EVA1A: variants seen among roughly 807,000 people sequenced by gnomAD.
The protein encoded by EVA1A is protein eva-1 homolog A.
Under a neutral mutation model 9.8 loss-of-function variants are expected in EVA1A, and 7 were observed. The observed-to-expected ratio is 0.71, with a 90% CI of 0.41 to 1.34. The LOEUF (loss-of-function observed/expected upper bound fraction) is 1.34. Ranked by LOEUF, EVA1A falls within the 40% of genes most tolerant of loss-of-function variation. The pLI, the probability that EVA1A is intolerant of heterozygous loss-of-function variation, is 0.01. For synonymous variants in EVA1A, 90 were observed against 85.6 expected (o/e 1.05, Z -0.28); for missense variants, 206 against 205.9 (o/e 1.00, Z 0.00).
chr2:75,499,209 G>A (rs997971636), intron 3 of EVA1A, among the ~76,000 whole-genome samples: 2 of 152,130 alleles, frequency 1.3e-5, no homozygotes, highest in Non-Finnish European at 2.9e-5. Flanking sequence ...TTTGTAAAGT[G>A]GGAGGAAGGC....
At chr2:75,517,203 T>C (rs1032216197) in intron 3 of EVA1A, among the ~76,000 whole-genome samples, 1 of 152,084 alleles carries the variant, frequency 6.6e-6, no homozygotes, top group East Asian at 1.9e-4. Context: ...CAGGTTTGCA[T>C]TTCAACTCTT....
At chr2:75,535,943 T>A (rs1675875306) in intron 1 of EVA1A, among the ~76,000 whole-genome samples, 1 of 152,012 alleles carries the variant, frequency 6.6e-6, no homozygotes, top group African/African-American at 2.4e-5. Context: ...AAAATGTTTT[T>A]AAAAAAAACC....
chr2:75,500,929 G>A (rs1384140184), intron 3 of EVA1A, among the ~76,000 whole-genome samples: 1 of 151,792 alleles, frequency 6.6e-6, no homozygotes, highest in African/African-American at 2.4e-5. Flanking sequence ...TTCTAACTCT[G>A]GATTCCACTT....
At chr2:75,548,806 C>T (rs939743621) in intron 1 of EVA1A, among the ~76,000 whole-genome samples, 1 of 151,890 alleles carries the variant, frequency 6.6e-6, no homozygotes, top group Non-Finnish European at 1.5e-5. Flanking sequence ...AGTTTATAAT[C>T]ATCATGTATT....
intron 1 of EVA1A, among the ~76,000 whole-genome samples, chr2:75,550,911 C>T (rs1290524281): frequency 6.6e-6 from 1 of 152,180 alleles, no homozygotes; most frequent in Non-Finnish European, 1.5e-5. Flanking sequence ...ATCACGAAGT[C>T]AGGAGTTCGA....
chr2:75,554,895 G>A (rs1338624677), intron 1 of EVA1A, among the ~76,000 whole-genome samples: 1 of 152,122 alleles, frequency 6.6e-6, no homozygotes, highest in African/African-American at 2.4e-5. Context: ...CTCTGTCATG[G>A]CACTAATCCA....
chr2:75,500,332 A>G (rs1222559000), intron 3 of EVA1A, among the ~76,000 whole-genome samples: 1 of 152,240 alleles, frequency 6.6e-6, no homozygotes, highest in Admixed American at 6.5e-5. Flanking sequence ...TTGGCATACG[A>G]TGAAAACTTA....
chr2:75,545,357 T>C (rs774535342), intron 1 of EVA1A, among the ~76,000 whole-genome samples: 2 of 152,108 alleles, frequency 1.3e-5, no homozygotes, highest in Non-Finnish European at 2.9e-5. Flanking sequence ...GCTCCTGGAA[T>C]TGGGAGAGGG....
chr2:75,508,627 T>C (rs773283825), intron 3 of EVA1A, among the ~76,000 whole-genome samples: 27 of 152,076 alleles, frequency 1.8e-4, no homozygotes, highest in Non-Finnish European at 3.4e-4. Context: ...TGCCTCCGCT[T>C]GCCTTGTGAT....
At chr2:75,512,691 G>C (rs1674857186) in intron 3 of EVA1A, among the ~76,000 whole-genome samples, 1 of 152,096 alleles carries the variant, frequency 6.6e-6, no homozygotes, top group Non-Finnish European at 1.5e-5. Context: ...TTTCTTCCTT[G>C]CCTGCCTCTG....
At chr2:75,536,109 G>A (rs1442827333) in intron 1 of EVA1A, among the ~76,000 whole-genome samples, 6 of 152,128 alleles carry the variant, frequency 3.9e-5, no homozygotes, top group Non-Finnish European at 7.4e-5. Flanking sequence ...TAGCCAAGGC[G>A]GGCAGATTGC....
chr2:75,499,982 C>T (rs1019509675), intron 3 of EVA1A, among the ~76,000 whole-genome samples: 7 of 152,196 alleles, frequency 4.6e-5, no homozygotes, highest in African/African-American at 1.2e-4. Context: ...TATATTGGAT[C>T]CGCCTGAGAA....
chr2:75,545,032 T>G (rs1262091196), intron 1 of EVA1A, among the ~76,000 whole-genome samples: 8 of 152,234 alleles, frequency 5.3e-5, no homozygotes, highest in Non-Finnish European at 1.5e-5. Context: ...ATTAACTGTA[T>G]GTTAAAAACT....
At chr2:75,536,916 C>T in intron 1 of EVA1A, among the ~76,000 whole-genome samples, 1 of 152,128 alleles carries the variant, frequency 6.6e-6, no homozygotes, top group Non-Finnish European at 1.5e-5. Flanking sequence ...ACCATCTCTT[C>T]CAGAAAATCA....
intron 1 of EVA1A, among the ~76,000 whole-genome samples, chr2:75,555,783 C>T (rs1353261443): frequency 6.6e-6 from 1 of 152,192 alleles, no homozygotes; most frequent in Non-Finnish European, 1.5e-5. Flanking sequence ...CTCCAGTCCC[C>T]ACCATATGCC....
At chr2:75,526,632 G>A (rs1675448750) in intron 1 of EVA1A, among the ~76,000 whole-genome samples, 1 of 152,222 alleles carries the variant, frequency 6.6e-6, no homozygotes, top group Non-Finnish European at 1.5e-5. Flanking sequence ...TACTTTGCTA[G>A]AGTAAAGAAA....
At chr2:75,533,121 C>T (rs961805091) in intron 1 of EVA1A, among the ~76,000 whole-genome samples, 1 of 149,490 alleles carries the variant, frequency 6.7e-6, no homozygotes, top group African/African-American at 2.5e-5. Context: ...TGCACTCCAG[C>T]CTGAGTGACA....
At chr2:75,543,570 C>CCCCCA (rs1193114620) in intron 1 of EVA1A, among the ~76,000 whole-genome samples, 3 of 152,006 alleles carry the variant, frequency 2.0e-5, no homozygotes, top group Non-Finnish European at 4.4e-5. Context: ...CAGAGCAGCA[C>CCCCCA]CCCCACCCCA....
At chr2:75,538,601 G>A (rs1288476180) in intron 1 of EVA1A, among the ~76,000 whole-genome samples, 3 of 152,220 alleles carry the variant, frequency 2.0e-5, no homozygotes, top group South Asian at 2.1e-4. Flanking sequence ...TACATCCTTC[G>A]AAGAGTAAAT....
Sources: allele counts gnomAD v4.1 joint callset (sites outside exome capture counted in the v4.1 genomes callset), GRCh38; gene constraint gnomAD v4.1.1; transcripts MANE v1.5; gene names NCBI Gene and HGNC (gene_info 2026-07-23, HGNC 2026-07-21).